The following CFAP70 variants were observed in gnomAD, a reference collection of about 807,000 sequenced individuals.
The protein encoded by CFAP70 is cilia- and flagella-associated protein 70.
Under a neutral mutation model 137.6 loss-of-function variants are expected in CFAP70, and 81 were observed. The observed-to-expected ratio is 0.59, with a 90% confidence interval of 0.49 to 0.71. CFAP70 has a LOEUF of 0.71. Ranked by LOEUF, CFAP70 falls within the 30% of genes least tolerant of loss-of-function variation. The probability of loss-of-function intolerance (pLI) is 0.00; values close to 1 mark genes in which losing one functional copy is unlikely to be tolerated. For missense variants in CFAP70, 976 were observed against 1,226.7 expected (o/e 0.80, Z 3.05); for synonymous variants, 382 against 423.6 (o/e 0.90, Z 1.20).
intron 1 of CFAP70, among the ~76,000 whole-genome samples, chr10:73,358,001 C>A (rs2054799085): frequency 6.6e-6 from 1 of 152,258 alleles, no homozygotes; most frequent in Non-Finnish European, 1.5e-5. Context: ...TGCCCCTAGG[C>A]AAATGCCTAA....
chr10:73,287,124 T>C (rs1437552695), intron 19 of CFAP70, among the ~76,000 whole-genome samples: 1 of 152,168 alleles, frequency 6.6e-6, no homozygotes, highest in Non-Finnish European at 1.5e-5. Context: ...ATGGCCAGAT[T>C]TGGGGGCCTG....
Position 73,278,356 on chromosome 10 carries a change from A to C in CFAP70, c.2240-19T>G. On this transcript the variant is annotated intron_variant, in intron 19 of 26. Coordinates refer to ENST00000310715, the Ensembl canonical transcript of CFAP70. ...CCTGGTCCTAAATAGATTACATTTT[A>C]ATGAAAAATAAAACTTCTTACATTG... The C allele has an allele frequency of 6.3e-7, 1 of 1,595,412 alleles. No homozygotes were observed. Among genetic ancestry groups the C allele is most frequent in the Non-Finnish European group, 8.5e-7 (1 of 1,170,896 alleles).
chr10:73,272,714 G>T, intron 24 of CFAP70: 3 of 644,164 alleles, frequency 4.7e-6, no homozygotes, highest in Non-Finnish European at 5.6e-6. Context: ...TCTTGGTTCA[G>T]GTTTTTCTGG....
intron 12 of CFAP70, among the ~76,000 whole-genome samples, chr10:73,308,399 C>A (rs972931338): frequency 6.6e-6 from 1 of 151,960 alleles, no homozygotes; most frequent in Non-Finnish European, 1.5e-5. Context: ...GAGGCCGAAG[C>A]GGGCAGATCA....
Position 73,282,826 on chromosome 10 carries a change from CTTTTTTTT to C in CFAP70, c.2240-4497_2240-4490del, listed in dbSNP as rs1203127459. On this transcript the variant is annotated intron_variant, in intron 19 of 26. Coordinates refer to ENST00000310715, the Ensembl canonical transcript of CFAP70. ...AAGTGTTTAGAAATTTTCCTGTTATCTTTTTTTTTTTTTTTTTTTTTTTTGAGATAGAG... is the reference window on the plus strand; with the variant it reads ...AAGTGTTTAGAAATTTTCCTGTTATCTTTTTTTTTTTTTTTTGAGATAGAG... Among the ~76,000 whole-genome samples, 106 of 90,934 alleles carry C rather than the reference CTTTTTTTT, an allele frequency of 1.2e-3. 1 individual carries two copies. The highest frequency in any genetic ancestry group is 4.2e-3 in the African/African-American group (99 of 23,496). The allele number at this position is 90,934 out of a possible 152,430, so 59.7% of individuals were successfully genotyped here.
chr10:73,277,242 G>C (rs774612858), exon 21 of CFAP70: 10 of 1,613,136 alleles, frequency 6.2e-6, no homozygotes, highest in Non-Finnish European at 8.5e-6. Flanking sequence ...ACTCTGACCT[G>C]CACAGCCTTG....
intron 5 of CFAP70, among the ~76,000 whole-genome samples, chr10:73,343,681 C>T (rs1225158645): frequency 6.6e-6 from 1 of 152,058 alleles, no homozygotes. Context: ...TGCACTCTAG[C>T]CTGGGCGACA....
intron 9 of CFAP70, among the ~76,000 whole-genome samples, chr10:73,320,813 C>T (rs1193610447): frequency 6.6e-6 from 1 of 152,014 alleles, no homozygotes; most frequent in Non-Finnish European, 1.5e-5. Flanking sequence ...ACTACAGGCA[C>T]ACAACATCAC....
At chr10:73,262,873 C>G (rs2045399307) in intron 25 of CFAP70, among the ~76,000 whole-genome samples, 1 of 152,024 alleles carries the variant, frequency 6.6e-6, no homozygotes, top group Admixed American at 6.5e-5. Flanking sequence ...TGTTTATCTA[C>G]ATAAACACAC....
chr10:73,300,629 G>A (rs184878107), intron 12 of CFAP70, among the ~76,000 whole-genome samples: 5 of 152,232 alleles, frequency 3.3e-5, no homozygotes, highest in East Asian at 1.9e-4. Flanking sequence ...TCGAGAGGCC[G>A]AGGCGGGTGG....
chr10:73,294,337 C>A (rs1324292189), intron 15 of CFAP70: 1 of 152,236 alleles, frequency 6.6e-6, no homozygotes, highest in African/African-American at 2.4e-5. Flanking sequence ...CCCATCACTT[C>A]CCAGATGGAT....
At chr10:73,344,904 C>T (rs1432483448) in intron 5 of CFAP70, among the ~76,000 whole-genome samples, 161 bp downstream of exon 6, 2 of 151,890 alleles carry the variant, frequency 1.3e-5, no homozygotes, top group East Asian at 3.8e-4. Context: ...ACATTAAGAT[C>T]TGTATATAAA....
At chr10:73,262,702 A>G (rs566316842) in intron 25 of CFAP70, among the ~76,000 whole-genome samples, 3 of 152,320 alleles carry the variant, frequency 2.0e-5, no homozygotes, top group African/African-American at 4.8e-5. Context: ...TGCATGGTAT[A>G]TATAGGATTC....
intron 4 of CFAP70, 124 bp from the exon 6 acceptor site, chr10:73,345,368 A>T: frequency 1.1e-6 from 1 of 873,184 alleles, no homozygotes; most frequent in Middle Eastern, 3.0e-4. Context: ...TATTTCCATA[A>T]GTTGAAACCA....
At chr10:73,325,463 C>T (rs1564844934) in intron 8 of CFAP70, among the ~76,000 whole-genome samples, 1 of 152,132 alleles carries the variant, frequency 6.6e-6, no homozygotes, top group Admixed American at 6.5e-5. Flanking sequence ...ATCATAATGA[C>T]GGGATCAAGT....
At chr10:73,283,696 T>A (rs1419200549) in intron 19 of CFAP70, among the ~76,000 whole-genome samples, 2 of 152,204 alleles carry the variant, frequency 1.3e-5, no homozygotes, top group Non-Finnish European at 2.9e-5. Flanking sequence ...TTTATCCTTT[T>A]ATGCTTAATT....
At chr10:73,339,707 C>T (rs1215006401) in intron 6 of CFAP70, among the ~76,000 whole-genome samples, 1 of 152,236 alleles carries the variant, frequency 6.6e-6, no homozygotes, top group Non-Finnish European at 1.5e-5. Flanking sequence ...GTGCCAGCTC[C>T]CTGCGAGGCT....
intron 15 of CFAP70, chr10:73,294,115 A>G (rs1210175857): frequency 1.3e-5 from 2 of 152,180 alleles, no homozygotes; most frequent in African/African-American, 4.8e-5. Flanking sequence ...TAGGCCAAAG[A>G]GAGTTTCTGA....
chr10:73,361,687 C>T (rs1294752355), upstream of CFAP70, among the ~76,000 whole-genome samples: 1 of 152,120 alleles, frequency 6.6e-6, no homozygotes, highest in Non-Finnish European at 1.5e-5. Context: ...TTAAATGATG[C>T]ACTAGCTCAA....
Sources: gnomAD v4.1 joint callset for allele counts (sites outside exome capture counted in the v4.1 genomes callset) on GRCh38, gnomAD v4.1.1 for gene constraint, MANE v1.5 for transcripts, NCBI Gene and HGNC (gene_info 2026-07-23, HGNC 2026-07-21) for gene names.